LDLRAD4: variants seen among roughly 807,000 people sequenced by gnomAD.
The protein encoded by LDLRAD4 is low density lipoprotein receptor class A domain containing 4, also known as low-density lipoprotein receptor class A domain-containing protein 4.
A neutral mutation model predicts 17.0 loss-of-function variants in LDLRAD4; 5 were observed. The ratio of observed to expected loss-of-function variants is 0.29; its 90% CI spans 0.15 to 0.62. LDLRAD4 has a LOEUF of 0.62. Ranked by LOEUF, LDLRAD4 falls within the 20% of genes least tolerant of loss-of-function variation. The probability of loss-of-function intolerance (pLI) is 0.84; values close to 1 mark genes in which losing one functional copy is unlikely to be tolerated. For missense variants in LDLRAD4, 340 were observed against 424.7 expected, an observed-to-expected ratio of 0.80 and a Z score of 1.75; for synonymous variants, 168 against 171.8, an observed-to-expected ratio of 0.98 and a Z score of 0.17.
At chr18:13,482,118 G>A (rs554341519) in intron 3 of LDLRAD4, among the ~76,000 whole-genome samples, 18 of 152,240 alleles carry the variant, frequency 1.2e-4, no homozygotes, top group African/African-American at 4.1e-4. Context: ...CTGCCTTCCA[G>A]GAAGGAGACC....
At chr18:13,612,486 AC>A in intron 3 of LDLRAD4, 1 of 1,333,096 alleles carries the variant, frequency 7.5e-7, no homozygotes, top group East Asian at 2.9e-5. Flanking sequence ...TGAGTCTAGC[AC>A]CTGGGGTGGG....
chr18:13,494,680 T>TATA (rs2093426927), intron 3 of LDLRAD4, among the ~76,000 whole-genome samples: 1 of 5,240 alleles, frequency 1.9e-4, no homozygotes, highest in African/African-American at 5.2e-4. Flanking sequence ...AATAATATAA[T>TATA]ATATTATTAA....
rs1193242301 is a variant in LDLRAD4, at chr18:13,254,492, C to T, written c.-466-23613C>T. 2.0e-5 allele frequency among the ~76,000 whole-genome samples: 3 copies of T among 152,162 alleles called. No homozygotes were observed. The East Asian group carries it at 5.8e-4, about 29-fold the overall frequency. ...AGAGAATCCCGCCTCTTCAAGGTCG[C>T]TCAGCTGACCATGGGCATAGCTGGA... is the stretch of plus-strand genomic sequence containing the variant. On this transcript the variant is annotated intron_variant, in intron 1 of 5. Coordinates refer to the LDLRAD4 transcript ENST00000399848.
At chr18:13,386,986 CTT>C (rs953954206) in intron 1 of LDLRAD4, among the ~76,000 whole-genome samples, 2 of 152,118 alleles carry the variant, frequency 1.3e-5, no homozygotes, top group African/African-American at 4.8e-5. Context: ...GATAGAATCA[CTT>C]TTAAAAACTG....
chr18:13,308,481 TCAC>T (rs2047042553), intron 1 of LDLRAD4, among the ~76,000 whole-genome samples: 1 of 152,236 alleles, frequency 6.6e-6, no homozygotes, highest in African/African-American at 2.4e-5. Flanking sequence ...TTGGTTGACA[TCAC>T]CAAGTCGCCC....
At chr18:13,422,458 A>G (rs1019821506) in intron 2 of LDLRAD4, among the ~76,000 whole-genome samples, 2 of 151,510 alleles carry the variant, frequency 1.3e-5, no homozygotes, top group African/African-American at 4.8e-5. Flanking sequence ...GCACTTTGGG[A>G]GGTGAAGGTG....
At chr18:13,533,058 T>C (rs1329793168) in intron 3 of LDLRAD4, among the ~76,000 whole-genome samples, 1 of 152,248 alleles carries the variant, frequency 6.6e-6, no homozygotes, top group Non-Finnish European at 1.5e-5. Context: ...AATTTACCCA[T>C]TGTTTTTCAT....
chr18:13,340,379 C>T (rs2082311628), intron 1 of LDLRAD4, among the ~76,000 whole-genome samples: 1 of 152,198 alleles, frequency 6.6e-6, no homozygotes, highest in South Asian at 2.1e-4. Context: ...ATTTTACATT[C>T]CTACTAGCAA....
intron 2 of LDLRAD4, among the ~76,000 whole-genome samples, chr18:13,436,114 T>C (rs991254268): frequency 5.9e-5 from 9 of 152,170 alleles, no homozygotes; most frequent in Non-Finnish European, 1.3e-4. Flanking sequence ...CCCTCTAGAT[T>C]ATGAAGGAGA....
chr18:13,250,001 C>T (rs1323012261), intron 1 of LDLRAD4, among the ~76,000 whole-genome samples: 3 of 152,072 alleles, frequency 2.0e-5, no homozygotes, highest in Non-Finnish European at 1.5e-5. Flanking sequence ...ATTTATTTTA[C>T]GTTCAGGGGT....
intron 3 of LDLRAD4, chr18:13,489,145 C>T (rs1416937796): frequency 1.4e-5 from 2 of 145,354 alleles, no homozygotes; most frequent in African/African-American, 2.5e-5. Context: ...TGGTGCTACC[C>T]ATTCTTTCTT....
intron 2 of LDLRAD4, among the ~76,000 whole-genome samples, chr18:13,389,581 G>A (rs112183515): frequency 3.9e-5 from 6 of 152,266 alleles, no homozygotes; most frequent in African/African-American, 1.2e-4. Context: ...AAAAGAGCCC[G>A]AGGAAAAGTG....
At chr18:13,512,396 C>T (rs1411101754) in intron 3 of LDLRAD4, among the ~76,000 whole-genome samples, 2 of 152,160 alleles carry the variant, frequency 1.3e-5, no homozygotes, top group Non-Finnish European at 2.9e-5. Context: ...CAGGAACATC[C>T]CTTGTGGTTT....
intron 3 of LDLRAD4, among the ~76,000 whole-genome samples, chr18:13,480,905 G>T (rs867075447): frequency 2.0e-5 from 3 of 152,202 alleles, no homozygotes; most frequent in African/African-American, 7.2e-5. Flanking sequence ...CTGGCTGTCA[G>T]CCGTGTCAGC....
chr18:13,344,712 G>C (rs2082580417), intron 1 of LDLRAD4, among the ~76,000 whole-genome samples: 1 of 152,202 alleles, frequency 6.6e-6, no homozygotes, highest in South Asian at 2.1e-4. Context: ...TCTTACCCAT[G>C]AGCATGGAAT....
chr18:13,511,721 G>C (rs932302847), intron 3 of LDLRAD4, among the ~76,000 whole-genome samples: 1 of 152,162 alleles, frequency 6.6e-6, no homozygotes, highest in Non-Finnish European at 1.5e-5. Context: ...GAAAGGCGGG[G>C]ACATGGGTAC....
intron 1 of LDLRAD4, among the ~76,000 whole-genome samples, chr18:13,266,408 A>G (rs940612728): frequency 1.3e-5 from 2 of 152,086 alleles, no homozygotes; most frequent in African/African-American, 4.8e-5. Flanking sequence ...GGGCAGGAGC[A>G]GTCTCGGGGA....
chr18:13,528,036 C>T (rs759457404), intron 3 of LDLRAD4, among the ~76,000 whole-genome samples: 2 of 152,200 alleles, frequency 1.3e-5, no homozygotes, highest in African/African-American at 4.8e-5. Context: ...TAGTGACTGT[C>T]GTCTGCCTTT....
intron 1 of LDLRAD4, among the ~76,000 whole-genome samples, chr18:13,242,955 G>C (rs759097913): frequency 6.6e-6 from 1 of 152,098 alleles, no homozygotes; most frequent in Non-Finnish European, 1.5e-5. Context: ...GAGCTTTCCC[G>C]GGCTGGGTGC....
Sources: allele counts gnomAD v4.1 joint callset (sites outside exome capture counted in the v4.1 genomes callset), GRCh38; gene constraint gnomAD v4.1.1; transcripts MANE v1.5; gene names NCBI Gene and HGNC (gene_info 2026-07-23, HGNC 2026-07-21).